RPTOR: variants seen among roughly 807,000 people sequenced by gnomAD.
RPTOR encodes regulatory-associated protein of mTOR.
Under a neutral mutation model 169.9 loss-of-function variants are expected in RPTOR, and 21 were observed. The ratio of observed to expected loss-of-function variants is 0.12; its 90% CI spans 0.09 to 0.18. The LOEUF (loss-of-function observed/expected upper bound fraction) is 0.18. Ranked by LOEUF, RPTOR falls within the 10% of genes least tolerant of loss-of-function variation. The pLI is 1.00. For missense variants in RPTOR, 1,133 were observed against 1,855.9 expected, an observed-to-expected ratio of 0.61 and a Z score of 7.16; for synonymous variants, 732 against 753.2, an observed-to-expected ratio of 0.97 and a Z score of 0.46.
intron 20 of RPTOR, among the ~76,000 whole-genome samples, chr17:80,902,591 C>G (rs149624690): frequency 6.6e-6 from 1 of 152,270 alleles, no homozygotes; most frequent in South Asian, 2.1e-4. Flanking sequence ...CCAGCCCATG[C>G]GTCTGCCCTC....
chr17:80,796,521 G>A (rs1356949164), intron 7 of RPTOR, among the ~76,000 whole-genome samples: 1 of 152,170 alleles, frequency 6.6e-6, no homozygotes, highest in African/African-American at 2.4e-5. Context: ...TAAGCCATCG[G>A]ATCTTGTGAG....
At chr17:80,699,867 C>G (rs892051027) in intron 3 of RPTOR, among the ~76,000 whole-genome samples, 3 of 150,154 alleles carry the variant, frequency 2.0e-5, no homozygotes, top group Non-Finnish European at 3.0e-5. Flanking sequence ...TGATGGGGAG[C>G]TAGAGGTGCT....
chr17:80,788,352 G>T (rs576605105), intron 6 of RPTOR, among the ~76,000 whole-genome samples: 18 of 152,102 alleles, frequency 1.2e-4, no homozygotes, highest in African/African-American at 3.6e-4. Context: ...GGAGGCTGAG[G>T]CAGGAGAATC....
Position 80,671,353 on chromosome 17 carries a change from G to A in RPTOR, c.348+27543G>A, listed in dbSNP as rs146929138. ...GAGTGTGTTCCTGCTGAAGCATCTC[G>A]GTTAAATCAAAACACTCTGTAATTA... On this transcript the variant is annotated intron_variant, in intron 3 of 33. Transcript: ENST00000306801. 1.5e-3 allele frequency among the ~76,000 whole-genome samples: 223 copies of A among 152,218 alleles called. 2 individuals are homozygous for A. In the East Asian group the frequency reaches 0.02, roughly 13 times the overall value.
intron 1 of RPTOR, among the ~76,000 whole-genome samples, chr17:80,593,966 T>C (rs1286211005): frequency 6.6e-6 from 1 of 152,194 alleles, no homozygotes; most frequent in Non-Finnish European, 1.5e-5. Flanking sequence ...ACCTTGAGAC[T>C]GAAAAATCCG....
intron 9 of RPTOR, among the ~76,000 whole-genome samples, chr17:80,828,511 C>T (rs1038152245): frequency 6.6e-6 from 1 of 152,230 alleles, no homozygotes; most frequent in East Asian, 1.9e-4. Flanking sequence ...TTGGGCCTGC[C>T]CTTGGTTGGG....
intron 1 of RPTOR, among the ~76,000 whole-genome samples, chr17:80,588,468 T>G (rs2065080354): frequency 6.6e-6 from 1 of 152,196 alleles, no homozygotes; most frequent in African/African-American, 2.4e-5. Context: ...GCCTATCCAC[T>G]CATTTTTTGT....
chr17:80,877,456 A>G (rs564980736), intron 13 of RPTOR, among the ~76,000 whole-genome samples: 1 of 152,376 alleles, frequency 6.6e-6, no homozygotes, highest in South Asian at 2.1e-4. Flanking sequence ...CATAGTTGCC[A>G]GACTCCGATA....
At chr17:80,833,813 A>C (rs1165486998) in intron 9 of RPTOR, among the ~76,000 whole-genome samples, 1 of 152,184 alleles carries the variant, frequency 6.6e-6, no homozygotes, top group African/African-American at 2.4e-5. Flanking sequence ...AACATGGTGA[A>C]ACCCCGTCTC....
intron 3 of RPTOR, among the ~76,000 whole-genome samples, chr17:80,665,232 T>G (rs1393076777): frequency 6.6e-6 from 1 of 152,128 alleles, no homozygotes; most frequent in Non-Finnish European, 1.5e-5. Flanking sequence ...CTGAGTTTCC[T>G]GGCGAGGAGG....
intron 1 of RPTOR, among the ~76,000 whole-genome samples, chr17:80,567,802 T>A (rs11651086): frequency 2.8e-4 from 34 of 121,772 alleles, no homozygotes; most frequent in Middle Eastern, 3.8e-3. Context: ...AAAAAATAAA[T>A]AAAATAAATA....
intron 6 of RPTOR, among the ~76,000 whole-genome samples, chr17:80,780,290 C>A (rs1291304593): frequency 1.3e-5 from 2 of 152,014 alleles, no homozygotes; most frequent in Non-Finnish European, 2.9e-5. Flanking sequence ...CAACTGGAGC[C>A]GTCGGTGGAG....
intron 7 of RPTOR, among the ~76,000 whole-genome samples, chr17:80,794,598 A>G (rs1423483756): frequency 6.6e-6 from 1 of 152,180 alleles, no homozygotes; most frequent in Non-Finnish European, 1.5e-5. Context: ...GGATCACACA[A>G]AAACCTGTGC....
intron 9 of RPTOR, among the ~76,000 whole-genome samples, chr17:80,827,754 G>A (rs1205277917): frequency 3.3e-5 from 5 of 152,160 alleles, no homozygotes; most frequent in East Asian, 1.9e-4. Context: ...AGTCGCGGCG[G>A]GTGACCACAG....
chr17:80,785,878 G>T (rs1162722619), intron 6 of RPTOR, among the ~76,000 whole-genome samples: 1 of 152,196 alleles, frequency 6.6e-6, no homozygotes, highest in South Asian at 2.1e-4. Flanking sequence ...CACTAGAGAA[G>T]GGGGGACTCT....
intron 9 of RPTOR, among the ~76,000 whole-genome samples, chr17:80,827,850 C>A (rs2067461439): frequency 6.6e-6 from 1 of 152,220 alleles, no homozygotes; most frequent in Non-Finnish European, 1.5e-5. Flanking sequence ...GGCCATCTCC[C>A]CCTCACAGCA....
Position 80,646,936 on chromosome 17 carries a change from C to A in RPTOR, c.348+3126C>A, listed in dbSNP as rs543627993. On this transcript the variant is annotated intron_variant, in intron 3 of 33. Transcript: ENST00000306801. The surrounding 1 kb of genome is among the most constrained non-coding windows in gnomAD (Gnocchi z 5.0). ...CCATCCAGGAGGTGCAGAAAGCCAA[C>A]CCCGGAACCCCCGTCGGCTGCACCA... Among the ~76,000 whole-genome samples the A allele has an allele frequency of 5.0e-4, 76 of 152,304 alleles. No homozygotes were observed. The South Asian group carries it at 0.013, about 26-fold the overall frequency.
At chr17:80,859,366 G>A (rs914712621) in intron 13 of RPTOR, among the ~76,000 whole-genome samples, 5 of 152,254 alleles carry the variant, frequency 3.3e-5, no homozygotes, top group African/African-American at 1.2e-4. Flanking sequence ...AGAACAAAGG[G>A]TGTGTGCTGA....
At position 80,633,119 on chromosome 17, in the gene RPTOR, A is replaced by G. The variant is rs2143556670; in HGVS notation, c.265+7326A>G. ...GGCCCATTTTTCATTTTGAAAAAAA[A>G]GTTCCAAAAGTTGCAAGTATAGTAC... is the stretch of plus-strand genomic sequence containing the variant. On this transcript the variant is annotated intron_variant, in intron 2 of 33. Coordinates refer to ENST00000306801, the MANE Select transcript of RPTOR (RefSeq NM_020761.3). The surrounding 1 kb of genome is among the most constrained non-coding windows in gnomAD (Gnocchi z 4.1). Among the ~76,000 whole-genome samples, 1 of 152,306 alleles carries G rather than the reference A, an allele frequency of 6.6e-6. No homozygotes were observed. The highest frequency in any genetic ancestry group is 2.1e-4 in the South Asian group (1 of 4,828).
Sources: allele counts gnomAD v4.1 joint callset (sites outside exome capture counted in the v4.1 genomes callset), GRCh38; gene constraint gnomAD v4.1.1; non-coding constraint Gnocchi (gnomAD v3.1); transcripts MANE v1.5; gene names NCBI Gene and HGNC (gene_info 2026-07-23, HGNC 2026-07-21).